The following PHEX variants were observed in gnomAD, a reference collection of about 807,000 sequenced individuals.
The protein encoded by PHEX is phosphate regulating endopeptidase X-linked.
A neutral mutation model predicts 68.0 loss-of-function variants in PHEX; 16 were observed. That is an observed-to-expected ratio of 0.24 (90% confidence interval 0.16 to 0.36). The LOEUF is 0.36. PHEX is among the 10% of genes least tolerant of loss of function. The pLI is 1.00. For missense variants in PHEX, 480 were observed against 575.5 expected (o/e 0.83, Z 1.70); for synonymous variants, 208 against 205.1 (o/e 1.01, Z -0.12).
intron 12 of PHEX, among the ~76,000 whole-genome samples, chrX:22,141,576 A>G (rs1311438903): frequency 9.0e-6 from 1 of 110,818 alleles, no homozygotes; most frequent in Non-Finnish European, 1.9e-5. Context: ...GGCATTAAAA[A>G]ACAAACAAAA....
At chrX:22,161,505 C>A (rs926659249) in intron 12 of PHEX, among the ~76,000 whole-genome samples, 1 of 112,611 alleles carries the variant, frequency 8.9e-6, no homozygotes, top group Non-Finnish European at 1.9e-5. Flanking sequence ...TGTTAATCCT[C>A]TTATATTTAA....
intron 3 of PHEX, among the ~76,000 whole-genome samples, chrX:22,059,290 C>A (rs1928256408): frequency 8.9e-6 from 1 of 112,082 alleles, no homozygotes; most frequent in African/African-American, 3.2e-5. Flanking sequence ...AGGCAACAAA[C>A]CCTGGTACTA....
intron 11 of PHEX, among the ~76,000 whole-genome samples, chrX:22,128,066 T>G (rs1931814238): frequency 8.9e-6 from 1 of 111,888 alleles, no homozygotes; most frequent in Admixed American, 9.6e-5. Context: ...CTTTTCTTAT[T>G]TATTTATTTA....
Position 22,160,446 on chromosome X carries a change from C to T in PHEX, c.1405-7866C>T, listed in dbSNP as rs769924137. Reference sequence around the variant, plus strand: ...CACCTGACATCCCAGCTACTTGGGACGCTGAGGCAGGAGAATCACTTGAAC... The same window carrying T: ...CACCTGACATCCCAGCTACTTGGGATGCTGAGGCAGGAGAATCACTTGAAC... On this transcript the variant is annotated intron_variant, in intron 12 of 21. Coordinates refer to ENST00000379374, the MANE Select transcript of PHEX (RefSeq NM_000444.6). Among the ~76,000 whole-genome samples, 21 of 108,561 alleles carry T rather than the reference C, an allele frequency of 1.9e-4. No individual in the cohort carries two copies. The South Asian group carries it at 4.1e-3, about 21-fold the overall frequency. The allele number at this position is 108,561 out of a possible 115,157, so 94.3% of individuals were successfully genotyped here.
At chrX:22,141,339 A>G (rs12012593) in intron 12 of PHEX, among the ~76,000 whole-genome samples, 2,689 of 111,613 alleles carry the variant, frequency 0.024, 81 homozygotes, top group African/African-American at 0.076. Context: ...GGCTGTGCAC[A>G]ATATTCTAGG....
chrX:22,225,162 C>A (rs761592193), intron 18 of PHEX, among the ~76,000 whole-genome samples: 107 of 107,529 alleles, frequency 1.0e-3, no homozygotes, highest in African/African-American at 3.5e-3. Context: ...CAGCACTGGC[C>A]GGTGGAGTCT....
At chrX:22,134,500 G>A (rs1317942210) in intron 12 of PHEX, among the ~76,000 whole-genome samples, 1 of 112,497 alleles carries the variant, frequency 8.9e-6, no homozygotes, top group African/African-American at 3.2e-5. Flanking sequence ...GGCTGAGGCA[G>A]GAGAATCGCT....
At chrX:22,148,412 T>C (rs1015892526) in intron 12 of PHEX, among the ~76,000 whole-genome samples, 1 of 112,195 alleles carries the variant, frequency 8.9e-6, no homozygotes, top group African/African-American at 3.2e-5. Flanking sequence ...TTTTGATGTA[T>C]GTATACATTA....
chrX:22,040,524 A>AGAT (rs1283424794), intron 2 of PHEX, among the ~76,000 whole-genome samples: 2 of 111,877 alleles, frequency 1.8e-5, no homozygotes, highest in African/African-American at 6.5e-5. Flanking sequence ...ATTAAAAAAA[A>AGAT]GATAGAACAA....
At chrX:22,099,468 A>C (rs1930319209) in intron 9 of PHEX, 2 of 215,477 alleles carry the variant, frequency 9.3e-6, no homozygotes, top group Non-Finnish European at 8.2e-6. Context: ...CTGTGTGAAC[A>C]TCTTTTTTTT....
At position 22,248,849 on chromosome X, in the gene PHEX, C is replaced by T. The variant is rs944873489; in HGVS notation, c.*896C>T. ...TCGTTTCATTACCTTCATATGTGTG[C>T]ATTGTACTGGTTTTGAAATGAGCAG... On this transcript the variant is annotated 3_prime_UTR_variant, in exon 22 of 22. Transcript: ENST00000379374. 1 of 110,945 alleles carries T rather than the reference C, an allele frequency of 9.0e-6. No individual in the cohort carries two copies. The highest frequency in any genetic ancestry group is 3.3e-5 in the African/African-American group (1 of 30,466). The allele number at this position is 110,945 out of a possible 1,213,427, so 9.1% of individuals were successfully genotyped here. A position where few individuals can be genotyped will look rare whatever the true frequency, so the allele number is the denominator to read the frequency against.
chrX:22,096,970 G>A lies in PHEX; in HGVS notation c.865G>A (p.Glu289Lys). The change falls in exon 8 of 22, where the codon GAA becomes AAA. Residue 289 changes from glutamate to lysine, a missense_variant. Coordinates refer to ENST00000379374, the MANE Select transcript of PHEX (RefSeq NM_000444.6). ...TTTTCAACAGATAATGATTCCACAT[G>A]AAAACCGAACCAGCGAGGCCATGTA... is the stretch of plus-strand genomic sequence containing the variant. ...IKIAEIMIPH[E>K]NRTSEAMYNK... 8.3e-7 allele frequency: 1 copy of A among 1,201,336 alleles called. No individual in the cohort carries two copies. The highest frequency in any genetic ancestry group is 3.0e-5 in the East Asian group (1 of 33,764).
At chrX:22,181,160 TTGTTCGAGGATCCTCCAAAC>T (rs1181994004) in intron 14 of PHEX, among the ~76,000 whole-genome samples, 4 of 111,761 alleles carry the variant, frequency 3.6e-5, no homozygotes, top group Non-Finnish European at 7.5e-5. Context: ...CTATTTTTAG[TTGTTCGAGGATCCTCCAAAC>T]TGTTCTCCAT....
chrX:22,242,534 G>A lies in PHEX; in HGVS notation c.2071-2799G>A, dbSNP rs754187931. Reference sequence around the variant, plus strand: ...GATTGTATATTAAGAAAACCCCATCGTCTCAGCCCAAAATCTCCTTAAGCT... The same window carrying A: ...GATTGTATATTAAGAAAACCCCATCATCTCAGCCCAAAATCTCCTTAAGCT... On this transcript the variant is annotated intron_variant, in intron 20 of 21. Coordinates refer to ENST00000379374, the MANE Select transcript of PHEX (RefSeq NM_000444.6). Among the ~76,000 whole-genome samples the A allele has an allele frequency of 1.4e-3, 152 of 111,673 alleles. 1 individual carries two copies. Among genetic ancestry groups the A allele is most frequent in the African/African-American group, 4.8e-3 (147 of 30,722 alleles).
intron 2 of PHEX, among the ~76,000 whole-genome samples, chrX:22,039,115 C>G (rs1427378096): frequency 8.9e-6 from 1 of 111,873 alleles, no homozygotes; most frequent in African/African-American, 3.3e-5. Flanking sequence ...ATTACAAGTG[C>G]CCACCACCAC....
intron 5 of PHEX, among the ~76,000 whole-genome samples, chrX:22,078,011 G>T (rs1011870863): frequency 1.8e-5 from 2 of 111,944 alleles, no homozygotes; most frequent in Non-Finnish European, 3.8e-5. Flanking sequence ...CAGGTCTCCT[G>T]TTGTTAGCAG....
chrX:22,184,420 A>T (rs955480448), intron 14 of PHEX, among the ~76,000 whole-genome samples: 1 of 111,285 alleles, frequency 9.0e-6, no homozygotes, highest in Non-Finnish European at 1.9e-5. Context: ...GAACAGCATC[A>T]TGATTATATT....
At chrX:22,094,182 G>GA in intron 7 of PHEX, 83 bp downstream of exon 7, 2 of 560,608 alleles carry the variant, frequency 3.6e-6, no homozygotes, top group Non-Finnish European at 6.1e-6. Flanking sequence ...TTTATTAAAG[G>GA]CAGTATATCC....
chrX:22,040,521 A>G (rs1269718685), intron 2 of PHEX, among the ~76,000 whole-genome samples: 1 of 111,914 alleles, frequency 8.9e-6, no homozygotes, highest in African/African-American at 3.3e-5. Context: ...AAAATTAAAA[A>G]AAAGATAGAA....
Sources: allele counts gnomAD v4.1 joint callset (sites outside exome capture counted in the v4.1 genomes callset), GRCh38; gene constraint gnomAD v4.1.1; transcripts MANE v1.5; gene names NCBI Gene and HGNC (gene_info 2026-07-23, HGNC 2026-07-21).